The following SRP72 variants were observed in gnomAD, a reference collection of about 807,000 sequenced individuals.
SRP72 encodes signal recognition particle subunit SRP72.
In SRP72, 49 loss-of-function variants were observed where a neutral mutation model predicts 96.3. The ratio of observed to expected loss-of-function variants is 0.51; its 90% confidence interval spans 0.40 to 0.65. The LOEUF is 0.65. SRP72 is among the 30% of genes least tolerant of loss of function. SRP72 has a pLI of 0.00. For missense variants in SRP72, 736 were observed against 793.3 expected (o/e 0.93, Z 0.87); for synonymous variants, 267 against 275.2 (o/e 0.97, Z 0.30).
intron 12 of SRP72, 71 bp from the exon 13 acceptor site, chr4:56,489,317 T>G (rs1720826279): frequency 1.1e-5 from 9 of 809,760 alleles, no homozygotes; most frequent in African/African-American, 3.5e-5. Flanking sequence ...TTCTTCAGCG[T>G]TTTTTATTTT....
chr4:56,500,840 G>T, intron 18 of SRP72, 145 bp downstream of exon 18: 1 of 763,876 alleles, frequency 1.3e-6, no homozygotes, highest in East Asian at 3.0e-5. Flanking sequence ...TTATGCAAAT[G>T]AAAGAAAATA....
At chr4:56,467,771 G>T (rs756109280) in intron 1 of SRP72, 27 bp downstream of exon 1, 1 of 1,434,198 alleles carries the variant, frequency 7.0e-7, no homozygotes, top group Non-Finnish European at 9.2e-7. Flanking sequence ...GCACTGGGGC[G>T]GGCCCAGGCC....
chr4:56,480,797 G>A (rs556326868), intron 8 of SRP72, among the ~76,000 whole-genome samples: 2 of 152,154 alleles, frequency 1.3e-5, no homozygotes, highest in Admixed American at 6.5e-5. Context: ...TTTTTTGTCC[G>A]TATACTTTAT....
intron 5 of SRP72, chr4:56,475,871 C>T (rs1398341939): frequency 6.6e-6 from 1 of 152,062 alleles, no homozygotes; most frequent in Non-Finnish European, 1.5e-5. Flanking sequence ...TGTGAATGTT[C>T]ATTGAAGGAA....
intron 8 of SRP72, among the ~76,000 whole-genome samples, chr4:56,481,431 A>G (rs768393981): frequency 1.3e-5 from 2 of 152,180 alleles, no homozygotes; most frequent in African/African-American, 2.4e-5. Context: ...TTGGAGATGT[A>G]TGTGACTTTC....
intron 3 of SRP72, among the ~76,000 whole-genome samples, chr4:56,472,077 T>G (rs970734378): frequency 7.9e-5 from 12 of 152,104 alleles, no homozygotes; most frequent in African/African-American, 2.9e-4. Flanking sequence ...TCAAAGAAAA[T>G]GAACTAATCT....
At chr4:56,493,898 T>C (rs1464826623) in intron 16 of SRP72, among the ~76,000 whole-genome samples, 2 of 151,952 alleles carry the variant, frequency 1.3e-5, no homozygotes, top group African/African-American at 4.8e-5. Context: ...CAGAAGGAAA[T>C]ATATTTAAAC....
At chr4:56,485,400 C>CAAAAAA (rs59208269) in intron 10 of SRP72, among the ~76,000 whole-genome samples, 1 of 92,408 alleles carries the variant, frequency 1.1e-5, no homozygotes, top group East Asian at 2.4e-4. Flanking sequence ...CTCCCCACAG[C>CAAAAAA]AAAAAAAAAA....
rs764826160 is a variant in SRP72, at chr4:56,467,631, C to T, written c.-5C>T. 3.2e-6 allele frequency: 5 copies of T among 1,555,992 alleles called. No individual in the cohort carries two copies. Among genetic ancestry groups the T allele is most frequent in the Non-Finnish European group, 4.3e-6 (5 of 1,152,546 alleles). The stretch of plus-strand genomic sequence containing the variant: ...CTCCCCGCCCCGCCCCTCGTCTCCT[C>T]CAAGATGGCGAGCGGCGGCAGCGGG... On this transcript the variant is annotated 5_prime_UTR_variant, in exon 1 of 19. Transcript: ENST00000642900.
At chr4:56,478,057 T>TA (rs1434503211) in intron 6 of SRP72, among the ~76,000 whole-genome samples, 17 of 152,118 alleles carry the variant, frequency 1.1e-4, no homozygotes, top group Admixed American at 6.5e-5. Flanking sequence ...GTTTTTTACT[T>TA]ACGTTTTTTA....
chr4:56,473,601 A>C (rs1446889230), intron 3 of SRP72, among the ~76,000 whole-genome samples: 1 of 151,582 alleles, frequency 6.6e-6, no homozygotes, highest in Non-Finnish European at 1.5e-5. Flanking sequence ...CCCCATCTCT[A>C]CTAAAAATAC....
At chr4:56,477,296 T>C (rs1350720950) in intron 6 of SRP72, 1 of 122,734 alleles carries the variant, frequency 8.1e-6, no homozygotes, top group Non-Finnish European at 1.6e-5. Flanking sequence ...TCTCTCTCTC[T>C]CTCTCTTTTT....
chr4:56,476,746 C>T, intron 6 of SRP72, 44 bp downstream of exon 6: 1 of 1,584,204 alleles, frequency 6.3e-7, no homozygotes, highest in African/African-American at 1.3e-5. Flanking sequence ...ACACTTCTGA[C>T]TATGATAGAT....
intron 6 of SRP72, chr4:56,476,960 G>A: frequency 2.4e-6 from 1 of 419,178 alleles, no homozygotes; most frequent in South Asian, 4.2e-5. Context: ...CCCATTTTAG[G>A]ATGTAGGACT....
chr4:56,471,591 G>A, intron 2 of SRP72, 129 bp from the exon 3 acceptor site: 1 of 1,034,834 alleles, frequency 9.7e-7, no homozygotes, highest in Non-Finnish European at 1.4e-6. Flanking sequence ...ATTTAGACAA[G>A]TCTCTAACCT....
Position 56,474,098 on chromosome 4 carries a change from A to C in SRP72, c.399A>C (p.Arg133Ser). 6.2e-7 allele frequency: 1 copy of C among 1,614,122 alleles called. No individual in the cohort carries two copies. Among genetic ancestry groups the C allele is most frequent in the Non-Finnish European group, 8.5e-7 (1 of 1,180,010 alleles). Reference protein sequence around the residue: ...ERYDECLAVYRDLVRNSQDDY... With the variant: ...ERYDECLAVYSDLVRNSQDDY... ...ATGATGAATGCTTAGCAGTGTATAG[A>C]GATCTCGTCCGAAACTCCCAAGATG... Residue 133 changes from arginine (R) to serine (S), a missense_variant, in exon 4 of 19, where the codon AGA becomes AGC. This residue lies in a region of SRP72 where 329 missense variants were observed against 319.0 expected (regional missense o/e 1.03). Transcript: ENST00000642900.
chr4:56,472,352 T>C (rs572646787), intron 3 of SRP72, among the ~76,000 whole-genome samples: 2 of 149,306 alleles, frequency 1.3e-5, no homozygotes, highest in Non-Finnish European at 3.0e-5. Context: ...GTTTTTCTTT[T>C]TTTTTTTTTT....
intron 17 of SRP72, among the ~76,000 whole-genome samples, chr4:56,497,368 C>G (rs1467998081): frequency 6.6e-6 from 1 of 151,660 alleles, no homozygotes; most frequent in Non-Finnish European, 1.5e-5. Flanking sequence ...TGCAGGCGTA[C>G]CCCACCACGC....
At chr4:56,499,748 CACTT>C in intron 17 of SRP72, among the ~76,000 whole-genome samples, 1 of 152,162 alleles carries the variant, frequency 6.6e-6, no homozygotes, top group Non-Finnish European at 1.5e-5. Flanking sequence ...GAAATAGGAA[CACTT>C]TAACATTGTT....
Sources: gnomAD v4.1 joint callset for allele counts (sites outside exome capture counted in the v4.1 genomes callset) on GRCh38, gnomAD v4.1.1 for gene constraint, gnomAD v4.1.1 regional missense constraint, MANE v1.5 for transcripts, NCBI Gene and HGNC (gene_info 2026-07-23, HGNC 2026-07-21) for gene names.